AK9: variants seen among roughly 807,000 people sequenced by gnomAD.
AK9 encodes adenylate kinase 9.
In AK9, 191 loss-of-function variants were observed where a neutral mutation model predicts 239.6. The ratio of observed to expected loss-of-function variants is 0.80; its 90% CI spans 0.71 to 0.90. AK9 has a LOEUF of 0.90. Ranked by LOEUF, AK9 falls within the 40% of genes least tolerant of loss-of-function variation. The pLI is 0.00. For missense variants in AK9, 1,995 were observed against 2,214.7 expected, an observed-to-expected ratio of 0.90 and a Z score of 1.99; for synonymous variants, 689 against 721.0, an observed-to-expected ratio of 0.96 and a Z score of 0.71.
chr6:109,657,553 T>TC (rs1471559318), intron 7 of AK9, among the ~76,000 whole-genome samples: 1 of 150,644 alleles, frequency 6.6e-6, no homozygotes, highest in East Asian at 2.0e-4. Flanking sequence ...TTCTTTCTTT[T>TC]TTTTTTTTAA....
At chr6:109,568,801 C>T (rs1474978805) in intron 21 of AK9, among the ~76,000 whole-genome samples, 4 of 152,178 alleles carry the variant, frequency 2.6e-5, no homozygotes, top group Non-Finnish European at 5.9e-5. Flanking sequence ...AATGGGAGAA[C>T]ATTCCATGCT....
chr6:109,589,298 G>A (rs893907410), intron 17 of AK9, among the ~76,000 whole-genome samples: 10 of 151,948 alleles, frequency 6.6e-5, no homozygotes, highest in Non-Finnish European at 1.5e-4. Flanking sequence ...TCACCTCCTT[G>A]GTTAAATGTA....
intron 12 of AK9, among the ~76,000 whole-genome samples, chr6:109,624,898 T>C (rs1017522221): frequency 6.6e-6 from 1 of 152,156 alleles, no homozygotes; most frequent in African/African-American, 2.4e-5. Context: ...TTTGTCAGTT[T>C]ATACTAATAC....
chr6:109,657,798 C>T (rs551463357), intron 7 of AK9, among the ~76,000 whole-genome samples: 13 of 152,042 alleles, frequency 8.6e-5, no homozygotes, highest in Middle Eastern at 6.8e-3. Context: ...GAACATGTGC[C>T]ACACAAGTTT....
chr6:109,657,111 T>C (rs1799796309), intron 7 of AK9, among the ~76,000 whole-genome samples: 1 of 152,206 alleles, frequency 6.6e-6, no homozygotes, highest in Non-Finnish European at 1.5e-5. Context: ...CATTTCTGTT[T>C]GTTCCCCAAT....
At chr6:109,617,989 T>C (rs189429302) in intron 13 of AK9, among the ~76,000 whole-genome samples, 1 of 152,282 alleles carries the variant, frequency 6.6e-6, no homozygotes, top group East Asian at 1.9e-4. Flanking sequence ...GAGGATTAAA[T>C]AGGATAATAC....
chr6:109,655,366 T>C (rs1214430842), intron 8 of AK9, among the ~76,000 whole-genome samples: 1 of 152,240 alleles, frequency 6.6e-6, no homozygotes, highest in Non-Finnish European at 1.5e-5. Flanking sequence ...TTGTTGTCCA[T>C]TTATCTCAAG....
At chr6:109,648,434 A>G (rs978419087) in intron 8 of AK9, among the ~76,000 whole-genome samples, 1 of 152,218 alleles carries the variant, frequency 6.6e-6, no homozygotes, top group Admixed American at 6.5e-5. Context: ...ACAGAAATAG[A>G]AACTATCATA....
intron 33 of AK9, among the ~76,000 whole-genome samples, chr6:109,508,701 GT>G (rs1288210832): frequency 6.6e-6 from 1 of 152,194 alleles, no homozygotes; most frequent in African/African-American, 2.4e-5. Flanking sequence ...GGTGAGAAGT[GT>G]AAATGGAAGA....
At chr6:109,498,070 C>CA in intron 36 of AK9, 105 bp from the exon 37 acceptor site, 13 of 1,056,726 alleles carry the variant, frequency 1.2e-5, no homozygotes, top group African/African-American at 1.6e-5. Context: ...TCAGTAGCAG[C>CA]GTTCTGCTGC....
chr6:109,506,010 C>A (rs1342000451), intron 35 of AK9, among the ~76,000 whole-genome samples: 2 of 152,066 alleles, frequency 1.3e-5, no homozygotes, highest in Non-Finnish European at 2.9e-5. Flanking sequence ...TCCCTCAAGC[C>A]TCTTCTATAA....
intron 17 of AK9, among the ~76,000 whole-genome samples, chr6:109,586,276 C>G (rs766394380): frequency 1.3e-5 from 2 of 151,970 alleles, no homozygotes; most frequent in Admixed American, 1.3e-4. Context: ...GGAGGCTGGG[C>G]GAAGTGGTGC....
intron 21 of AK9, among the ~76,000 whole-genome samples, chr6:109,568,974 C>A (rs889084398): frequency 4.6e-5 from 7 of 152,146 alleles, no homozygotes; most frequent in Non-Finnish European, 8.8e-5. Flanking sequence ...ATTGCCAAGA[C>A]AATCCTAAGC....
At chr6:109,519,326 T>C (rs1215652892) in intron 29 of AK9, among the ~76,000 whole-genome samples, 2 of 152,218 alleles carry the variant, frequency 1.3e-5, no homozygotes, top group African/African-American at 2.4e-5. Flanking sequence ...CTTTTGTATA[T>C]ATACCCAGTA....
chr6:109,632,060 G>T, intron 12 of AK9: 1 of 659,354 alleles, frequency 1.5e-6, no homozygotes, highest in Non-Finnish European at 1.9e-6. Flanking sequence ...AACATGAGAG[G>T]GCGTCTGGGT....
intron 3 of AK9, among the ~76,000 whole-genome samples, chr6:109,673,926 G>C (rs560627999): frequency 6.6e-6 from 1 of 150,554 alleles, no homozygotes; most frequent in Admixed American, 6.6e-5. Flanking sequence ...TTGAGCCCAG[G>C]AGTTTGAAAC....
At chr6:109,689,705 G>A (rs777993830) in intron 1 of AK9, among the ~76,000 whole-genome samples, 32 of 152,046 alleles carry the variant, frequency 2.1e-4, no homozygotes, top group Admixed American at 7.2e-4. Context: ...TAAACAACCT[G>A]CCTTCAAAGT....
intron 39 of AK9, 148 bp from the exon 40 acceptor site, chr6:109,494,243 A>ATT (rs1467228052): frequency 1.9e-5 from 10 of 523,738 alleles, no homozygotes; most frequent in African/African-American, 1.7e-4. Context: ...TTAGATGACC[A>ATT]GTTAGCCAAC....
chr6:109,671,776 C>T, intron 5 of AK9, 143 bp downstream of exon 5: 1 of 655,394 alleles, frequency 1.5e-6, no homozygotes, highest in Non-Finnish European at 2.6e-6. Flanking sequence ...ATAAAACCAT[C>T]TGAGCTGTTC....
Sources: allele counts gnomAD v4.1 joint callset (sites outside exome capture counted in the v4.1 genomes callset), GRCh38; gene constraint gnomAD v4.1.1; transcripts MANE v1.5; gene names NCBI Gene and HGNC (gene_info 2026-07-23, HGNC 2026-07-21).